The following PTPN11 variants were observed in gnomAD, a reference collection of about 807,000 sequenced individuals.
PTPN11 encodes the protein tyrosine-protein phosphatase non-receptor type 11.
In PTPN11, 6 loss-of-function variants were observed where a neutral mutation model predicts 78.8. That is an observed-to-expected ratio of 0.08 (90% CI 0.04 to 0.15). PTPN11 has a LOEUF of 0.15. Ranked by LOEUF, PTPN11 falls within the 10% of genes least tolerant of loss-of-function variation. The pLI is 1.00. For missense variants in PTPN11, 386 were observed against 744.8 expected (o/e 0.52, Z 5.61); for synonymous variants, 221 against 263.5 (o/e 0.84, Z 1.56).
intron 6 of PTPN11, among the ~76,000 whole-genome samples, chr12:112,460,639 C>T (rs1005955054): frequency 1.3e-5 from 2 of 151,858 alleles, no homozygotes; most frequent in African/African-American, 2.4e-5. Context: ...GTCAAGAGAT[C>T]GAGACCATCC....
intron 6 of PTPN11, among the ~76,000 whole-genome samples, chr12:112,460,569 C>T (rs1042576492): frequency 6.6e-6 from 1 of 152,016 alleles, no homozygotes; most frequent in Non-Finnish European, 1.5e-5. Context: ...TAAGTCTGGG[C>T]GTGGTGGCAC....
At position 112,482,284 on chromosome 12, in the gene PTPN11, G is replaced by A. The variant is rs2038608655; in HGVS notation, c.1224+79G>A. On this transcript the variant is annotated intron_variant, in intron 10 of 15. Coordinates refer to ENST00000351677, the MANE Select transcript of PTPN11 (RefSeq NM_002834.5). This position sits in a 1 kb window ranked among gnomAD's most constrained non-coding sequence, Gnocchi z 4.4. ...AATTCAGGGTCTTGCCGTTACTCAT[G>A]TTTGCATACATGCATGCATTCGCTC... 4 of 1,507,450 alleles carry A rather than the reference G, an allele frequency of 2.7e-6. No homozygotes were observed. The Admixed American group carries it at 5.0e-5, about 19-fold the overall frequency. 93.4% of individuals were successfully genotyped at this position (1,507,450 alleles called of 1,614,324 possible).
intron 1 of PTPN11, among the ~76,000 whole-genome samples, chr12:112,422,223 A>G (rs374604509): frequency 2.0e-5 from 3 of 152,328 alleles, no homozygotes; most frequent in African/African-American, 7.2e-5. Context: ...TTAATTATCA[A>G]AATAACTCCT....
At chr12:112,498,357 A>T (rs1196350214) in intron 13 of PTPN11, among the ~76,000 whole-genome samples, 1 of 152,116 alleles carries the variant, frequency 6.6e-6, no homozygotes, top group Non-Finnish European at 1.5e-5. Context: ...TCATGATTGG[A>T]TAGTGGAAGG....
At chr12:112,448,448 C>T (rs2038027452) in intron 2 of PTPN11, among the ~76,000 whole-genome samples, 1 of 151,400 alleles carries the variant, frequency 6.6e-6, no homozygotes, top group Non-Finnish European at 1.5e-5. Context: ...AACTCTTGGC[C>T]TCAAGGGATC....
At chr12:112,467,040 A>G (rs1011613128) in intron 6 of PTPN11, among the ~76,000 whole-genome samples, 7 of 152,088 alleles carry the variant, frequency 4.6e-5, no homozygotes, top group Non-Finnish European at 8.8e-5. Flanking sequence ...TGCTCCTGGC[A>G]TTTAGGTTGG....
In PTPN11 at chr12:112,482,335, T is replaced by C; in HGVS notation, c.1224+130T>C. On this transcript the variant is annotated intron_variant, in intron 10 of 15. Coordinates refer to ENST00000351677, the MANE Select transcript of PTPN11 (RefSeq NM_002834.5). The surrounding 1 kb of genome is among the most constrained non-coding windows in gnomAD (Gnocchi z 4.4). Reference sequence around the variant, plus strand: ...ACTCATTGATTCAGTAGCCATTTATTAGCTTCCTTCTATGTGCCAGGTACA... The same window carrying C: ...ACTCATTGATTCAGTAGCCATTTATCAGCTTCCTTCTATGTGCCAGGTACA... 9.1e-7 allele frequency: 1 copy of C among 1,095,826 alleles called. No homozygotes were observed. The highest frequency in any genetic ancestry group is 1.4e-6 in the Non-Finnish European group (1 of 730,636). 67.9% of individuals were successfully genotyped at this position (1,095,826 alleles called of 1,614,324 possible).
chr12:112,477,276 C>T (rs921244568), intron 7 of PTPN11, among the ~76,000 whole-genome samples: 1 of 152,158 alleles, frequency 6.6e-6, no homozygotes, highest in Non-Finnish European at 1.5e-5. Context: ...CTTGGCCTCC[C>T]AAAGTGCTGA....
At chr12:112,440,304 T>C (rs1026314097) in intron 1 of PTPN11, among the ~76,000 whole-genome samples, 5 of 152,128 alleles carry the variant, frequency 3.3e-5, no homozygotes, top group African/African-American at 1.2e-4. Context: ...GACGGAATCT[T>C]GCTCTGTCGC....
chr12:112,485,623 T>C (rs1257206190), intron 10 of PTPN11, among the ~76,000 whole-genome samples: 1 of 152,174 alleles, frequency 6.6e-6, no homozygotes, highest in Non-Finnish European at 1.5e-5. Context: ...AGCCTAAATC[T>C]AGTCATCTGA....
chr12:112,427,361 A>G (rs2037634379), intron 1 of PTPN11, among the ~76,000 whole-genome samples: 1 of 151,634 alleles, frequency 6.6e-6, no homozygotes, highest in African/African-American at 2.4e-5. Context: ...CCTAGCTAAC[A>G]TGGTGAAACC....
At chr12:112,435,075 G>C (rs2037768928) in intron 1 of PTPN11, among the ~76,000 whole-genome samples, 1 of 152,032 alleles carries the variant, frequency 6.6e-6, no homozygotes, top group Non-Finnish European at 1.5e-5. Context: ...CTGGAGCTCA[G>C]TGGCACAATC....
At chr12:112,489,798 A>G (rs1048273555) in intron 13 of PTPN11, among the ~76,000 whole-genome samples, 12 of 152,232 alleles carry the variant, frequency 7.9e-5, no homozygotes, top group African/African-American at 2.9e-4. Context: ...CCCCATTGCC[A>G]TGCTGCAGAT....
In PTPN11 at chr12:112,437,312, C is replaced by T. The variant is rs551645227; in HGVS notation, c.15-8964C>T. Among the ~76,000 whole-genome samples the T allele has an allele frequency of 4.2e-3, 634 of 152,064 alleles. 11 individuals are homozygous for T. Among genetic ancestry groups the T allele is most frequent in the Non-Finnish European group, 7.4e-3 (502 of 67,962 alleles). On this transcript the variant is annotated intron_variant, in intron 1 of 15. Coordinates refer to ENST00000351677, the MANE Select transcript of PTPN11 (RefSeq NM_002834.5). ...AGCTGGGATTACAGGCACCTGCCAC[C>T]GCGCCTGGCTAATTTTTGTATTTTT...
At chr12:112,440,758 C>T (rs1431827270) in intron 1 of PTPN11, among the ~76,000 whole-genome samples, 1 of 148,754 alleles carries the variant, frequency 6.7e-6, no homozygotes, top group Non-Finnish European at 1.5e-5. Flanking sequence ...ATTTTTAGTA[C>T]AGATGAGGTT....
intron 1 of PTPN11, among the ~76,000 whole-genome samples, chr12:112,436,566 A>G (rs1936354116): frequency 6.6e-6 from 1 of 152,164 alleles, no homozygotes; most frequent in Non-Finnish European, 1.5e-5. Flanking sequence ...TTTTCCTGAT[A>G]CTTCTCCCCT....
intron 1 of PTPN11, among the ~76,000 whole-genome samples, chr12:112,427,924 C>T (rs775110346): frequency 6.6e-6 from 1 of 151,894 alleles, no homozygotes; most frequent in Admixed American, 6.6e-5. Context: ...TTAAGTTTTT[C>T]ATTTTTTATA....
chr12:112,496,830 C>T (rs1242705012), intron 13 of PTPN11, among the ~76,000 whole-genome samples: 1 of 152,172 alleles, frequency 6.6e-6, no homozygotes, highest in African/African-American at 2.4e-5. Flanking sequence ...CTTCAGTATA[C>T]AGAGATCTGA....
In PTPN11 at chr12:112,429,673, A is replaced by G. The variant is rs188599111; in HGVS notation, c.14+10548A>G. On this transcript the variant is annotated intron_variant, in intron 1 of 15. Transcript: ENST00000351677. ...AGAAAAATTAACTGGGTGTGGTGGT[A>G]CACACCTGTAATTCCAGCTACGTGG... is the stretch of plus-strand genomic sequence containing the variant. Among the ~76,000 whole-genome samples the G allele has an allele frequency of 2.7e-3, 408 of 151,504 alleles. 6 individuals carry two copies. Among genetic ancestry groups the G allele is most frequent in the African/African-American group, 9.6e-3 (399 of 41,374 alleles).
Sources: allele counts gnomAD v4.1 joint callset (sites outside exome capture counted in the v4.1 genomes callset), GRCh38; gene constraint gnomAD v4.1.1; non-coding constraint Gnocchi (gnomAD v3.1); transcripts MANE v1.5; gene names NCBI Gene and HGNC (gene_info 2026-07-23, HGNC 2026-07-21).